PRKG1: variants seen among roughly 807,000 people sequenced by gnomAD.
The protein encoded by PRKG1 is protein kinase cGMP-dependent 1, also known as cGMP-dependent protein kinase 1.
A neutral mutation model predicts 88.1 loss-of-function variants in PRKG1; 35 were observed. The observed-to-expected ratio is 0.40, with a 90% confidence interval of 0.30 to 0.53. PRKG1 has a LOEUF of 0.53. Ranked by LOEUF, PRKG1 falls within the 20% of genes least tolerant of loss-of-function variation. PRKG1 has a pLI of 0.59. For missense variants in PRKG1, 540 were observed against 839.8 expected, an observed-to-expected ratio of 0.64 and a Z score of 4.41; for synonymous variants, 303 against 292.5, an observed-to-expected ratio of 1.04 and a Z score of -0.37.
intron 1 of PRKG1, among the ~76,000 whole-genome samples, chr10:51,089,783 AC>A (rs1243811272): frequency 1.3e-5 from 2 of 152,216 alleles, no homozygotes; most frequent in African/African-American, 4.8e-5. Context: ...TCACTGTTGT[AC>A]AGATGAGAAA....
chr10:51,744,126 T>C (rs1446830400), intron 3 of PRKG1, among the ~76,000 whole-genome samples: 1 of 152,110 alleles, frequency 6.6e-6, no homozygotes, highest in African/African-American at 2.4e-5. Flanking sequence ...ATACTTAAAA[T>C]AGTAGTAGTA....
At chr10:51,664,338 T>G (rs2132336126) in intron 3 of PRKG1, among the ~76,000 whole-genome samples, 1 of 152,312 alleles carries the variant, frequency 6.6e-6, no homozygotes, top group East Asian at 1.9e-4. Context: ...TTAATTTTCA[T>G]AGCCAAATTT....
At chr10:52,225,870 C>T (rs1264994943) in intron 9 of PRKG1, among the ~76,000 whole-genome samples, 4 of 152,036 alleles carry the variant, frequency 2.6e-5, no homozygotes, top group Non-Finnish European at 4.4e-5. Context: ...GCCAGTACCA[C>T]ACTGTTTTGG....
intron 3 of PRKG1, among the ~76,000 whole-genome samples, chr10:51,694,202 T>C (rs2132398007): frequency 6.6e-6 from 1 of 152,320 alleles, no homozygotes; most frequent in Middle Eastern, 3.4e-3. Flanking sequence ...TCAGTTTCTC[T>C]GCCACAGTAG....
At chr10:51,751,885 T>C (rs1347547885) in intron 3 of PRKG1, among the ~76,000 whole-genome samples, 1 of 152,194 alleles carries the variant, frequency 6.6e-6, no homozygotes, top group African/African-American at 2.4e-5. Context: ...ATTTGTTGCG[T>C]AAAGTAATAA....
At chr10:51,298,273 CA>C (rs1295220369) in intron 2 of PRKG1, among the ~76,000 whole-genome samples, 1 of 152,056 alleles carries the variant, frequency 6.6e-6, no homozygotes, top group Non-Finnish European at 1.5e-5. Context: ...GCCACTACTT[CA>C]AAAAATGTGG....
At chr10:51,594,180 T>C (rs532255842) in intron 3 of PRKG1, among the ~76,000 whole-genome samples, 13 of 152,214 alleles carry the variant, frequency 8.5e-5, no homozygotes, top group South Asian at 8.3e-4. Context: ...TATGCCAACA[T>C]GCCCATCTAA....
At chr10:51,410,270 A>ATATATG (rs1554805784) in intron 2 of PRKG1, among the ~76,000 whole-genome samples, 438 of 146,858 alleles carry the variant, frequency 3.0e-3, no homozygotes, top group African/African-American at 0.01. Flanking sequence ...ATATATATAT[A>ATATATG]TGTGTGTGTG....
chr10:52,271,200 A>T, intron 10 of PRKG1, 150 bp from the exon 11 acceptor site: 1 of 764,974 alleles, frequency 1.3e-6, no homozygotes, highest in Non-Finnish European at 2.0e-6. Context: ...CCTGGATGTT[A>T]AACGCAGCTC....
chr10:51,632,503 C>T (rs1031246780), intron 3 of PRKG1, among the ~76,000 whole-genome samples: 21 of 152,186 alleles, frequency 1.4e-4, no homozygotes, highest in African/African-American at 3.9e-4. Flanking sequence ...GCTCAGGAAG[C>T]AAACTTTGCT....
At chr10:51,368,706 C>G (rs1402945204) in intron 2 of PRKG1, among the ~76,000 whole-genome samples, 1 of 152,052 alleles carries the variant, frequency 6.6e-6, no homozygotes, top group Non-Finnish European at 1.5e-5. Flanking sequence ...CTAAAGAGTA[C>G]TAGAATGTAG....
chr10:51,772,219 T>A (rs527242159), intron 3 of PRKG1, among the ~76,000 whole-genome samples: 1 of 152,298 alleles, frequency 6.6e-6, no homozygotes, highest in East Asian at 1.9e-4. Context: ...GAAATATGTG[T>A]CAAACATTTT....
chr10:51,730,656 T>G (rs1386222382), intron 3 of PRKG1, among the ~76,000 whole-genome samples: 2 of 152,220 alleles, frequency 1.3e-5, no homozygotes, highest in Admixed American at 1.3e-4. Flanking sequence ...CACACGTATC[T>G]GACAAAAAAT....
chr10:51,474,034 G>A (rs1421182929), intron 3 of PRKG1, among the ~76,000 whole-genome samples: 4 of 151,936 alleles, frequency 2.6e-5, no homozygotes, highest in Non-Finnish European at 5.9e-5. Flanking sequence ...GTCAGGGTCA[G>A]GATGAATTCC....
intron 10 of PRKG1, among the ~76,000 whole-genome samples, chr10:52,253,618 A>G (rs921974235): frequency 6.6e-6 from 1 of 151,728 alleles, no homozygotes; most frequent in Non-Finnish European, 1.5e-5. Context: ...GAGTATATAT[A>G]TCATATATAT....
chr10:51,174,346 T>TGTAACATG lies in PRKG1; in HGVS notation c.478+21020_478+21021insCATGGTAA, dbSNP rs373445069. 4.2e-3 allele frequency among the ~76,000 whole-genome samples: 632 copies of TGTAACATG among 152,102 alleles called. 7 individuals carry two copies. Among genetic ancestry groups the TGTAACATG allele is most frequent in the African/African-American group, 0.014 (587 of 41,564 alleles). On this transcript the variant is annotated intron_variant, in intron 2 of 17. Coordinates refer to ENST00000373980, the MANE Select transcript of PRKG1 (RefSeq NM_006258.4). Reference sequence around the variant, plus strand: ...AATATTTAGAATTCATTTGTAACATTGTAAACATTTTATAAATAAATACTA... The same window carrying TGTAACATG: ...AATATTTAGAATTCATTTGTAACATTGTAACATGGTAAACATTTTATAAATAAATACTA...
At chr10:52,143,852 TC>T (rs11314078) in intron 8 of PRKG1, among the ~76,000 whole-genome samples, 35,844 of 152,076 alleles carry the variant, frequency 0.24, 4,479 homozygotes, top group African/African-American at 0.32. Flanking sequence ...AAATCAATTA[TC>T]CATACAGATT....
At chr10:52,072,274 A>G (rs1384775441) in intron 7 of PRKG1, among the ~76,000 whole-genome samples, 1 of 151,050 alleles carries the variant, frequency 6.6e-6, no homozygotes, top group African/African-American at 2.4e-5. Flanking sequence ...CTATGGAAAA[A>G]GTAACACAAT....
intron 1 of PRKG1, among the ~76,000 whole-genome samples, chr10:51,033,917 C>T (rs1843319696): frequency 6.6e-6 from 1 of 151,974 alleles, no homozygotes; most frequent in African/African-American, 2.4e-5. Flanking sequence ...CTCTGTTGTC[C>T]CTTTAAGATT....
Sources: allele counts gnomAD v4.1 joint callset (sites outside exome capture counted in the v4.1 genomes callset), GRCh38; gene constraint gnomAD v4.1.1; transcripts MANE v1.5; gene names NCBI Gene and HGNC (gene_info 2026-07-23, HGNC 2026-07-21).